Variants in PBX3 observed in about 807,000 individuals in gnomAD.
PBX3 encodes the protein pre-B-cell leukemia transcription factor 3.
A neutral mutation model predicts 48.5 loss-of-function variants in PBX3; 14 were observed. The ratio of observed to expected loss-of-function variants is 0.29; its 90% CI spans 0.19 to 0.45. The LOEUF is 0.45. Among genes scored for constraint, PBX3 ranks in the 20% least tolerant of loss-of-function variants. The pLI is 1.00. For synonymous variants in PBX3, 210 were observed against 200.3 expected (o/e 1.05, Z -0.41); for missense variants, 386 against 546.7 (o/e 0.71, Z 2.93).
At chr9:125,875,089 A>G (rs1165588745) in intron 2 of PBX3, among the ~76,000 whole-genome samples, 1 of 152,206 alleles carries the variant, frequency 6.6e-6, no homozygotes, top group Non-Finnish European at 1.5e-5. Context: ...AAAACTCCGT[A>G]TCTATCTCCC....
At chr9:125,931,158 T>C (rs190089444) in intron 4 of PBX3, among the ~76,000 whole-genome samples, 10 of 152,338 alleles carry the variant, frequency 6.6e-5, no homozygotes, top group Admixed American at 6.5e-4. Context: ...AAGAAATATT[T>C]CTGTGATGGG....
chr9:125,911,298 A>G (rs1841198139), intron 2 of PBX3, among the ~76,000 whole-genome samples: 1 of 152,086 alleles, frequency 6.6e-6, no homozygotes, highest in African/African-American at 2.4e-5. Flanking sequence ...ATGTTTGGGG[A>G]GAAAAGTAGC....
At chr9:125,944,578 A>G (rs1658272369) in intron 5 of PBX3, among the ~76,000 whole-genome samples, 1 of 152,224 alleles carries the variant, frequency 6.6e-6, no homozygotes, top group South Asian at 2.1e-4. Flanking sequence ...AATATAGTAC[A>G]AAGAGGGGTT....
chr9:125,952,437 G>A (rs547244269), intron 5 of PBX3, among the ~76,000 whole-genome samples: 14 of 152,166 alleles, frequency 9.2e-5, no homozygotes, highest in Non-Finnish European at 1.9e-4. Context: ...GTCAATAAAT[G>A]TAGTGACAAA....
intron 2 of PBX3, among the ~76,000 whole-genome samples, chr9:125,796,357 G>A (rs887579720): frequency 1.3e-5 from 2 of 152,176 alleles, no homozygotes; most frequent in Non-Finnish European, 2.9e-5. Context: ...CACTAAGTGG[G>A]ATGGTTTACT....
intron 3 of PBX3, among the ~76,000 whole-genome samples, chr9:125,927,339 A>T (rs879865599): frequency 2.6e-5 from 4 of 152,222 alleles, no homozygotes; most frequent in Non-Finnish European, 5.9e-5. Flanking sequence ...TATTTTTGAA[A>T]AAACTTTACA....
intron 2 of PBX3, among the ~76,000 whole-genome samples, chr9:125,848,706 A>G (rs1355723304): frequency 4.6e-5 from 7 of 151,970 alleles, no homozygotes; most frequent in African/African-American, 1.7e-4. Context: ...AGTGCCTAAT[A>G]TTTTCTGGGT....
chr9:125,783,460 G>A (rs903972995), intron 2 of PBX3, among the ~76,000 whole-genome samples: 5 of 151,860 alleles, frequency 3.3e-5, no homozygotes, highest in Non-Finnish European at 7.4e-5. Context: ...GCTAATTTTT[G>A]TATTTTTAGT....
At chr9:125,917,942 T>C (rs1489607728) in intron 3 of PBX3, among the ~76,000 whole-genome samples, 2 of 152,200 alleles carry the variant, frequency 1.3e-5, no homozygotes, top group African/African-American at 4.8e-5. Flanking sequence ...CTTTCTGATT[T>C]GACATATGAA....
chr9:125,920,897 G>A (rs564633269), intron 3 of PBX3, among the ~76,000 whole-genome samples: 3 of 152,296 alleles, frequency 2.0e-5, no homozygotes, highest in East Asian at 3.9e-4. Context: ...TACTGTAAAA[G>A]CATATCCTTG....
intron 5 of PBX3, among the ~76,000 whole-genome samples, chr9:125,951,312 G>A (rs781016667): frequency 4.6e-5 from 7 of 152,184 alleles, no homozygotes; most frequent in Admixed American, 1.3e-4. Flanking sequence ...AGCCCAGCAG[G>A]AGTGTGGCAG....
chr9:125,918,545 T>C (rs1384351158), intron 3 of PBX3, among the ~76,000 whole-genome samples: 1 of 152,218 alleles, frequency 6.6e-6, no homozygotes, highest in Non-Finnish European at 1.5e-5. Flanking sequence ...AGTAGCCTAA[T>C]AACGATCTAA....
intron 2 of PBX3, among the ~76,000 whole-genome samples, chr9:125,802,359 ATTTTTTTTTTT>A (rs57805307): frequency 1.8e-4 from 12 of 67,762 alleles, no homozygotes; most frequent in Admixed American, 4.5e-4. Context: ...ACATTAGTGC[ATTTTTTTTTTT>A]TTTTTTTTTT....
At chr9:125,875,299 G>C (rs1564151207) in intron 2 of PBX3, among the ~76,000 whole-genome samples, 1 of 151,902 alleles carries the variant, frequency 6.6e-6, no homozygotes, top group African/African-American at 2.4e-5. Flanking sequence ...TTTCTCATTA[G>C]TACTATAATG....
chr9:125,897,421 A>G (rs1179528207), intron 2 of PBX3, among the ~76,000 whole-genome samples: 1 of 151,860 alleles, frequency 6.6e-6, no homozygotes, highest in African/African-American at 2.4e-5. Context: ...AATAGAGTAC[A>G]TTTTGGATTG....
At chr9:125,768,538 C>T (rs1166691929) in intron 2 of PBX3, among the ~76,000 whole-genome samples, 1 of 152,040 alleles carries the variant, frequency 6.6e-6, no homozygotes, top group Non-Finnish European at 1.5e-5. Flanking sequence ...ATATGTTATC[C>T]TAAACAGCAT....
intron 2 of PBX3, among the ~76,000 whole-genome samples, chr9:125,897,141 GTTTTT>G (rs371641194): frequency 2.8e-5 from 3 of 108,932 alleles, no homozygotes; most frequent in Admixed American, 2.0e-4. Flanking sequence ...TTCATTTGTG[GTTTTT>G]TTTTTTTTTT....
chr9:125,765,966 A>G (rs1371574370), intron 2 of PBX3, among the ~76,000 whole-genome samples: 1 of 152,198 alleles, frequency 6.6e-6, no homozygotes, highest in Admixed American at 6.5e-5. Context: ...CTGAGTCATT[A>G]AAGTTCATCA....
intron 2 of PBX3, among the ~76,000 whole-genome samples, chr9:125,866,677 C>T (rs938606685): frequency 1.3e-5 from 2 of 152,168 alleles, no homozygotes; most frequent in East Asian, 1.9e-4. Context: ...TTCTATATCT[C>T]GTTTCTAGCT....
Sources: allele counts gnomAD v4.1 joint callset (sites outside exome capture counted in the v4.1 genomes callset), GRCh38; gene constraint gnomAD v4.1.1; transcripts MANE v1.5; gene names NCBI Gene and HGNC (gene_info 2026-07-23, HGNC 2026-07-21).